NAALADL2: variants seen among roughly 807,000 people sequenced by gnomAD.
NAALADL2 encodes the protein inactive N-acetylated-alpha-linked acidic dipeptidase-like protein 2.
Under a neutral mutation model 87.2 loss-of-function variants are expected in NAALADL2, and 76 were observed. The ratio of observed to expected loss-of-function variants is 0.87; its 90% CI spans 0.72 to 1.05. NAALADL2 has a LOEUF of 1.05. Ranked by LOEUF, NAALADL2 falls within the 50% of genes least tolerant of loss-of-function variation. NAALADL2 has a pLI of 0.00. For synonymous variants in NAALADL2, 354 were observed against 331.0 expected (o/e 1.07, Z -0.75); for missense variants, 1,089 against 945.8 (o/e 1.15, Z -1.99).
intron 6 of NAALADL2, among the ~76,000 whole-genome samples, chr3:175,451,899 T>A (rs1229656200): frequency 6.6e-6 from 1 of 152,158 alleles, no homozygotes; most frequent in African/African-American, 2.4e-5. Flanking sequence ...TTATAATTTT[T>A]ACGTATTTCT....
At chr3:175,174,769 A>ATG (rs140644156) in intron 2 of NAALADL2, among the ~76,000 whole-genome samples, 51,061 of 143,230 alleles carry the variant, frequency 0.36, 9,371 homozygotes, top group East Asian at 0.55. Context: ...TATGCTATTC[A>ATG]TGTGTGTGTG....
At chr3:174,965,375 CCTATT>C (rs58627100) in intron 1 of NAALADL2, among the ~76,000 whole-genome samples, 7,214 of 152,116 alleles carry the variant, frequency 0.047, 504 homozygotes, top group African/African-American at 0.16. Context: ...TCACTTCTGT[CCTATT>C]CTATTCGTTA....
chr3:175,390,079 A>G (rs900603007), intron 5 of NAALADL2, among the ~76,000 whole-genome samples: 7 of 152,164 alleles, frequency 4.6e-5, no homozygotes. Context: ...ATGGAAAAAA[A>G]TAGAACTTTA....
intron 3 of NAALADL2, among the ~76,000 whole-genome samples, chr3:175,241,701 G>A (rs567780757): frequency 6.6e-4 from 101 of 152,116 alleles, no homozygotes; most frequent in Middle Eastern, 6.8e-3. Context: ...TTCTACCCGT[G>A]AAAGAGAACA....
intron 5 of NAALADL2, among the ~76,000 whole-genome samples, chr3:175,337,590 C>T (rs758837254): frequency 1.3e-5 from 2 of 152,014 alleles, no homozygotes; most frequent in Admixed American, 6.6e-5. Context: ...AAGAAACCAC[C>T]CCTGCCAATA....
At chr3:175,302,926 G>A (rs1014762958) in intron 4 of NAALADL2, among the ~76,000 whole-genome samples, 13 of 151,932 alleles carry the variant, frequency 8.6e-5, no homozygotes, top group Middle Eastern at 3.4e-3. Flanking sequence ...GAAAATTAAA[G>A]GAGATCAAGA....
chr3:175,236,567 A>AG (rs1189871463), intron 3 of NAALADL2, among the ~76,000 whole-genome samples: 14 of 142,494 alleles, frequency 9.8e-5, no homozygotes, highest in African/African-American at 3.5e-4. Flanking sequence ...AAAAAAAAAA[A>AG]GAAGAAAAAG....
In NAALADL2 at chr3:175,206,881, A is replaced by G. The variant is rs571167299; in HGVS notation, c.546-27050A>G. 6.6e-5 allele frequency among the ~76,000 whole-genome samples: 10 copies of G among 152,184 alleles called. No individual in the cohort carries two copies. The East Asian group carries it at 1.4e-3, about 21-fold the overall frequency. On this transcript the variant is annotated intron_variant, in intron 2 of 13. Transcript: ENST00000454872. ...TCAGTCAACTTCTTTTTAAAACCCA[A>G]TAAAGCTACTCAGGTCTTTAAAGAT...
At chr3:174,749,054 G>A (rs1045076801) in intron 3 of NAALADL2, among the ~76,000 whole-genome samples, 6 of 152,066 alleles carry the variant, frequency 3.9e-5, no homozygotes, top group Admixed American at 1.3e-4. Context: ...TAGAAAACTT[G>A]CCTGTTTCAG....
At chr3:175,615,085 A>T (rs955204815) in intron 10 of NAALADL2, among the ~76,000 whole-genome samples, 22 of 152,194 alleles carry the variant, frequency 1.4e-4, no homozygotes, top group African/African-American at 5.1e-4. Context: ...CAACTTCAGG[A>T]AAAAGGACAG....
chr3:175,097,139 A>G lies in NAALADL2; in HGVS notation c.393A>G (p.Thr131=). Residue 131 remains threonine, a synonymous_variant, in exon 2 of 14, where the codon ACA becomes ACG. Transcript: ENST00000454872. ...GCCACGTCTTAAAAATACTTTGCAC[A>G]GCCACCATTTTATTTATTTTTGGGA... ...NFCHVLKILC[T]ATILFIFGIL... is the part of the protein sequence containing the mutation. 6 of 1,613,818 alleles carry G rather than the reference A, an allele frequency of 3.7e-6. No homozygotes were observed. Among genetic ancestry groups the G allele is most frequent in the Non-Finnish European group, 5.1e-6 (6 of 1,179,742 alleles).
intron 2 of NAALADL2, among the ~76,000 whole-genome samples, chr3:175,200,216 A>G (rs1205865721): frequency 6.6e-6 from 1 of 152,026 alleles, no homozygotes; most frequent in Non-Finnish European, 1.5e-5. Flanking sequence ...TGAAAAGGGT[A>G]TGCCTCTAGT....
At chr3:175,007,770 G>T (rs1172635701) in intron 1 of NAALADL2, among the ~76,000 whole-genome samples, 2 of 151,866 alleles carry the variant, frequency 1.3e-5, no homozygotes, top group African/African-American at 2.4e-5. Flanking sequence ...ACTACGAAAA[G>T]GTTTAATTTA....
intron 2 of NAALADL2, among the ~76,000 whole-genome samples, chr3:175,188,707 C>T (rs901665550): frequency 3.3e-5 from 5 of 152,078 alleles, no homozygotes. Context: ...AACTGGTGCC[C>T]AAGCCACAAA....
At chr3:174,812,967 C>G (rs1720385521) in intron 3 of NAALADL2, among the ~76,000 whole-genome samples, 1 of 151,874 alleles carries the variant, frequency 6.6e-6, no homozygotes, top group Admixed American at 6.6e-5. Flanking sequence ...ATGTTATAAG[C>G]TAATTTTTTA....
intron 1 of NAALADL2, among the ~76,000 whole-genome samples, chr3:174,518,023 T>C (rs939271877): frequency 1.3e-5 from 2 of 152,120 alleles, no homozygotes; most frequent in African/African-American, 4.8e-5. Context: ...ATGGTATCCA[T>C]GCTGATAAGT....
At chr3:175,091,290 T>C (rs1287077807) in intron 1 of NAALADL2, among the ~76,000 whole-genome samples, 1 of 152,126 alleles carries the variant, frequency 6.6e-6, no homozygotes, top group Non-Finnish European at 1.5e-5. Context: ...CTTTTGATGA[T>C]GCCCTGACAT....
At chr3:174,931,342 G>T (rs1254516090) in intron 1 of NAALADL2, among the ~76,000 whole-genome samples, 1 of 152,054 alleles carries the variant, frequency 6.6e-6, no homozygotes, top group East Asian at 1.9e-4. Flanking sequence ...TGACCACTTG[G>T]GAACTATGTG....
At chr3:174,513,712 T>C (rs1245796338) in intron 1 of NAALADL2, 20 of 152,180 alleles carry the variant, frequency 1.3e-4, no homozygotes, top group Non-Finnish European at 1.3e-4. Context: ...TTGAAATTCA[T>C]CTTCATTTAC....
Sources: gnomAD v4.1 joint callset for allele counts (sites outside exome capture counted in the v4.1 genomes callset) on GRCh38, gnomAD v4.1.1 for gene constraint, MANE v1.5 for transcripts, NCBI Gene and HGNC (gene_info 2026-07-23, HGNC 2026-07-21) for gene names.